TTC7B: variants seen among roughly 807,000 people sequenced by gnomAD.
TTC7B encodes tetratricopeptide repeat domain 7B.
In TTC7B, 28 loss-of-function variants were observed where a neutral mutation model predicts 106.8. The ratio of observed to expected loss-of-function variants is 0.26; its 90% confidence interval spans 0.19 to 0.36. The LOEUF (loss-of-function observed/expected upper bound fraction) is 0.36. Ranked by LOEUF, TTC7B falls within the 10% of genes least tolerant of loss-of-function variation. The probability of loss-of-function intolerance (pLI) is 1.00; values close to 1 mark genes in which losing one functional copy is unlikely to be tolerated. For synonymous variants in TTC7B, 405 were observed against 430.6 expected, an observed-to-expected ratio of 0.94 and a Z score of 0.74; for missense variants, 862 against 1,076.4, an observed-to-expected ratio of 0.80 and a Z score of 2.79.
rs183877612 is a variant in TTC7B, at chr14:90,766,920, T to C, written c.445+13818A>G. 4,454 of 1,540,192 alleles carry C rather than the reference T, an allele frequency of 2.9e-3. 7 individuals are homozygous for C. Among genetic ancestry groups the C allele is most frequent in the Non-Finnish European group, 3.7e-3 (4,129 of 1,121,236 alleles). ...GGCTGTGCCACTCCTGGGGCCTTCATGTCCAAAGTCAGCACACCAAGACCA... is the reference window on the plus strand; with the variant it reads ...GGCTGTGCCACTCCTGGGGCCTTCACGTCCAAAGTCAGCACACCAAGACCA... On this transcript the variant is annotated intron_variant, in intron 3 of 19. Coordinates refer to ENST00000328459, the MANE Select transcript of TTC7B (RefSeq NM_001010854.2).
intron 1 of TTC7B, among the ~76,000 whole-genome samples, chr14:90,799,257 C>A (rs12889089): frequency 0.24 from 36,561 of 152,142 alleles, 5,308 homozygotes; most frequent in Middle Eastern, 0.35. Context: ...TTCAGGTCAG[C>A]TTGGAGCAGC....
intron 15 of TTC7B, among the ~76,000 whole-genome samples, chr14:90,629,265 T>C (rs1442089319): frequency 6.6e-6 from 1 of 152,126 alleles, no homozygotes; most frequent in East Asian, 1.9e-4. Context: ...TTTTTTTAAA[T>C]AGTAAACTTT....
intron 5 of TTC7B, among the ~76,000 whole-genome samples, chr14:90,716,719 G>C (rs149507507): frequency 3.3e-5 from 5 of 152,116 alleles, no homozygotes; most frequent in African/African-American, 4.8e-5. Context: ...GAGTTTTTCT[G>C]GGTATTCTTC....
chr14:90,615,342 G>C (rs923068303), intron 16 of TTC7B, among the ~76,000 whole-genome samples: 5 of 152,180 alleles, frequency 3.3e-5, no homozygotes, highest in African/African-American at 4.8e-5. Flanking sequence ...GATCTGGAAG[G>C]GGGTGGGAAG....
intron 5 of TTC7B, among the ~76,000 whole-genome samples, chr14:90,722,401 G>A (rs1413874016): frequency 6.6e-6 from 1 of 152,066 alleles, no homozygotes; most frequent in Non-Finnish European, 1.5e-5. Context: ...GATTCCTGGT[G>A]GCCAAATGAA....
chr14:90,755,560 G>A (rs1180740774), intron 3 of TTC7B, among the ~76,000 whole-genome samples: 1 of 152,172 alleles, frequency 6.6e-6, no homozygotes, highest in Non-Finnish European at 1.5e-5. Context: ...TCAAGAGGCT[G>A]AGATGGGAGG....
At chr14:90,665,647 T>A (rs1886382763) in intron 9 of TTC7B, among the ~76,000 whole-genome samples, 1 of 152,210 alleles carries the variant, frequency 6.6e-6, no homozygotes, top group South Asian at 2.1e-4. Flanking sequence ...AATAAAATAA[T>A]CAGATACCCC....
rs748953455 is a variant in TTC7B at position 90,617,900 on chromosome 14, A to G, written c.1868+29T>C. 4 of 1,581,356 alleles carry G rather than the reference A, an allele frequency of 2.5e-6. No individual in the cohort carries two copies. In the Admixed American group the frequency reaches 6.7e-5, roughly 26 times the overall value. On this transcript the variant is annotated intron_variant, in intron 16 of 19. Transcript: ENST00000328459. ...ATAGGCAGGGACCCATGCAAAAGCC[A>G]CGCAAAGCAGGCCCTGCTGGCCTCT...
At chr14:90,591,263 C>T (rs1403130892) in intron 18 of TTC7B, among the ~76,000 whole-genome samples, 2 of 152,152 alleles carry the variant, frequency 1.3e-5, no homozygotes, top group African/African-American at 4.8e-5. Flanking sequence ...ATTGCTTGAA[C>T]CCAGCAGGCA....
At chr14:90,686,982 C>T (rs1228977419) in intron 7 of TTC7B, among the ~76,000 whole-genome samples, 1 of 150,706 alleles carries the variant, frequency 6.6e-6, no homozygotes, top group African/African-American at 2.4e-5. Flanking sequence ...CTATTAAAAT[C>T]CCAGCTGCCT....
At chr14:90,551,957 G>A (rs1890099474) in intron 19 of TTC7B, among the ~76,000 whole-genome samples, 1 of 152,234 alleles carries the variant, frequency 6.6e-6, no homozygotes, top group Non-Finnish European at 1.5e-5. Flanking sequence ...AGAAGCTCTG[G>A]GCGAGGCCTG....
In TTC7B at chr14:90,759,987, G is replaced by A. The variant is rs1174014360; in HGVS notation, c.446-15065C>T. Reference sequence around the variant, plus strand: ...GCACTCACATATTTGCTGATTTAATGAATTAATTAATTATACAGTCTAGTT... The same window carrying A: ...GCACTCACATATTTGCTGATTTAATAAATTAATTAATTATACAGTCTAGTT... On this transcript the variant is annotated intron_variant, in intron 3 of 19. Coordinates refer to ENST00000328459, the MANE Select transcript of TTC7B (RefSeq NM_001010854.2). This position sits in a 1 kb window ranked among gnomAD's most constrained non-coding sequence, Gnocchi z 4.1. Among the ~76,000 whole-genome samples, 5 of 152,176 alleles carry A rather than the reference G, an allele frequency of 3.3e-5. No individual in the cohort carries two copies. The highest frequency in any genetic ancestry group is 1.2e-4 in the African/African-American group (5 of 41,430).
rs147892742 is a variant in TTC7B, at chr14:90,788,269, T to C, written c.122-1941A>G. Among the ~76,000 whole-genome samples, 331 of 152,224 alleles carry C rather than the reference T, an allele frequency of 2.2e-3. 3 individuals are homozygous for C. Among genetic ancestry groups the C allele is most frequent in the Middle Eastern group, 0.01 (3 of 294 alleles). ...GGGTACAAAGTGCGACTCCAGTGCGTGGGGCCGGTCCAGACACCAGCCAGG... is the reference window on the plus strand; with the variant it reads ...GGGTACAAAGTGCGACTCCAGTGCGCGGGGCCGGTCCAGACACCAGCCAGG... On this transcript the variant is annotated intron_variant, in intron 1 of 19. Transcript: ENST00000328459.
intron 5 of TTC7B, among the ~76,000 whole-genome samples, chr14:90,715,706 T>G (rs1381286451): frequency 6.6e-6 from 1 of 152,190 alleles, no homozygotes; most frequent in Non-Finnish European, 1.5e-5. Context: ...GAGTCAGTGC[T>G]GCACAACTCT....
intron 18 of TTC7B, chr14:90,585,800 G>A (rs1021116844): frequency 6.6e-6 from 1 of 152,380 alleles, no homozygotes; most frequent in Middle Eastern, 3.4e-3. Flanking sequence ...TGCACCTTCT[G>A]TGCCTTAACT....
chr14:90,605,773 G>C, intron 17 of TTC7B: 2 of 1,181,226 alleles, frequency 1.7e-6, no homozygotes, highest in Non-Finnish European at 2.1e-6. Context: ...AAAAGTGAAA[G>C]AGAAAAAAAG....
intron 3 of TTC7B, among the ~76,000 whole-genome samples, chr14:90,753,905 A>G (rs1890208587): frequency 6.6e-6 from 1 of 152,188 alleles, no homozygotes; most frequent in African/African-American, 2.4e-5. Context: ...CAGCTCCACA[A>G]TTCTGTGAGC....
At chr14:90,632,366 C>G (rs1566808780) in intron 15 of TTC7B, among the ~76,000 whole-genome samples, 1 of 152,154 alleles carries the variant, frequency 6.6e-6, no homozygotes, top group Non-Finnish European at 1.5e-5. Context: ...TATGATGTTT[C>G]AACTTAAACT....
chr14:90,717,157 G>A (rs1204063845), intron 5 of TTC7B, among the ~76,000 whole-genome samples: 1 of 152,096 alleles, frequency 6.6e-6, no homozygotes, highest in Non-Finnish European at 1.5e-5. Context: ...GGCTAACATG[G>A]TGAAACCCTG....
Sources: allele counts gnomAD v4.1 joint callset (sites outside exome capture counted in the v4.1 genomes callset), GRCh38; gene constraint gnomAD v4.1.1; non-coding constraint Gnocchi (gnomAD v3.1); transcripts MANE v1.5; gene names NCBI Gene and HGNC (gene_info 2026-07-23, HGNC 2026-07-21).